Variants in CLINT1 observed in about 807,000 individuals in gnomAD.
CLINT1 encodes clathrin interacting protein localized in the trans-Golgi region.
CLINT1 carries 15 observed loss-of-function variants against 70.4 expected under a neutral mutation model. The ratio of observed to expected loss-of-function variants is 0.21; its 90% CI spans 0.14 to 0.33. The LOEUF is 0.33. CLINT1 is among the 10% of genes least tolerant of loss of function. The probability of loss-of-function intolerance (pLI) is 1.00; values close to 1 mark genes in which losing one functional copy is unlikely to be tolerated. For synonymous variants in CLINT1, 227 were observed against 254.7 expected (o/e 0.89, Z 1.04); for missense variants, 615 against 778.1 (o/e 0.79, Z 2.49).
intron 7 of CLINT1, among the ~76,000 whole-genome samples, chr5:157,805,571 G>A (rs1018547940): frequency 4.6e-5 from 7 of 151,990 alleles, no homozygotes; most frequent in Non-Finnish European, 8.8e-5. Context: ...CTTGTGGTTG[G>A]TAACCAGTAT....
chr5:157,805,970 T>A lies in CLINT1; in HGVS notation c.838A>T (p.Asn280Tyr). 6.2e-7 allele frequency: 1 copy of A among 1,613,968 alleles called. No individual in the cohort carries two copies. ...TTTTRHKRTA[N>Y]PSKTIDLGAA... is the part of the protein sequence containing the mutation. ...CCAAGATCAATGGTTTTGGAAGGAT[T>A]TGCTGTGCGCTTGTGTCTGGTTGTG... Residue 280 changes from asparagine (N) to tyrosine (Y), a missense_variant, in exon 7 of 12, where the codon AAT becomes TAT. Asn to Tyr is a moderately radical substitution (Grantham distance 143). Transcript: ENST00000411809.
Position 157,805,888 on chromosome 5 carries a change from T to A in CLINT1, c.920A>T (p.His307Leu). ...KASPDQNAST[H>L]TPQSSVKTSV... is the part of the protein sequence containing the mutation. ...CACCTTAACTGAAGACTGAGGTGTGTGGGTTGAAGCATTCTGATCTGGACT... is the reference window on the plus strand; with the variant it reads ...CACCTTAACTGAAGACTGAGGTGTGAGGGTTGAAGCATTCTGATCTGGACT... The change falls in exon 7 of 12, where the codon CAC (histidine) becomes CTC (leucine). Residue 307 changes from histidine to leucine, a missense_variant. Physicochemically the swap from His to Leu is moderately conservative, Grantham distance 99. Transcript: ENST00000411809. The A allele has an allele frequency of 6.2e-7, 1 of 1,614,002 alleles. No individual in the cohort carries two copies. The highest frequency in any genetic ancestry group is 1.1e-5 in the South Asian group (1 of 91,086).
intron 6 of CLINT1, 36 bp from the exon 7 acceptor site, chr5:157,806,148 C>A: frequency 6.3e-7 from 1 of 1,599,466 alleles, no homozygotes; most frequent in Non-Finnish European, 8.5e-7. Flanking sequence ...AATAATAAGA[C>A]GGGATTATTT....
At chr5:157,810,165 C>T (rs547921337) in intron 5 of CLINT1, among the ~76,000 whole-genome samples, 1 of 152,300 alleles carries the variant, frequency 6.6e-6, no homozygotes, top group Non-Finnish European at 1.5e-5. Flanking sequence ...ACAAAAGACA[C>T]TTAATATGTT....
Position 157,791,840 on chromosome 5 carries a change from G to T in CLINT1, c.1243C>A (p.Pro415Thr). Residue 415 changes from proline (P) to threonine (T), a missense_variant, in exon 10 of 12, where the codon CCT becomes ACT. Transcript: ENST00000411809. ...SGSQSALGPP[P>T]AASNSSDLFD... ...AGGTCTGAAGAATTTGAGGCAGCAG[G>T]AGGTGGGCCTAGAGCTGATTGTGAG... is the stretch of plus-strand genomic sequence containing the variant. 2 of 1,613,996 alleles carry T rather than the reference G, an allele frequency of 1.2e-6. No homozygotes were observed. Among genetic ancestry groups the T allele is most frequent in the Non-Finnish European group, 1.7e-6 (2 of 1,179,886 alleles).
chr5:157,838,023 C>T (rs772475344), intron 1 of CLINT1, among the ~76,000 whole-genome samples: 4 of 151,880 alleles, frequency 2.6e-5, no homozygotes, highest in Non-Finnish European at 4.4e-5. Context: ...CTTAAAATTA[C>T]GTAATTTTTC....
chr5:157,788,033 A>G, intron 11 of CLINT1, 41 bp from the exon 12 acceptor site: 1 of 1,476,788 alleles, frequency 6.8e-7, no homozygotes, highest in Non-Finnish European at 9.3e-7. Context: ...ACCACAATAA[A>G]TTTTTAGGTT....
chr5:157,815,817 T>C (rs760814480), intron 3 of CLINT1, among the ~76,000 whole-genome samples: 1 of 152,236 alleles, frequency 6.6e-6, no homozygotes, highest in Non-Finnish European at 1.5e-5. Flanking sequence ...TAATGACTAC[T>C]ATAGGCAGCT....
chr5:157,852,393 T>A (rs770278074), intron 1 of CLINT1, among the ~76,000 whole-genome samples: 1 of 152,140 alleles, frequency 6.6e-6, no homozygotes, highest in Non-Finnish European at 1.5e-5. Context: ...CTAAACTGAG[T>A]CTTAAGAGAG....
intron 1 of CLINT1, among the ~76,000 whole-genome samples, chr5:157,840,569 AGT>A (rs533115967): frequency 2.1e-3 from 292 of 137,270 alleles, no homozygotes; most frequent in Non-Finnish European, 3.2e-3. Context: ...GAGGGAAGTA[AGT>A]GTGTGTGTGT....
rs142984940 is a variant in CLINT1, at chr5:157,797,872, T to C, written c.1013-2900A>G. On this transcript the variant is annotated intron_variant, in intron 8 of 11. Coordinates refer to ENST00000411809, the MANE Select transcript of CLINT1 (RefSeq NM_014666.4). Reference sequence around the variant, plus strand: ...GAAATTATATGATGTTCATAACTTATCTATAGCAAATAGTATTCCTCTCCA... The same window carrying C: ...GAAATTATATGATGTTCATAACTTACCTATAGCAAATAGTATTCCTCTCCA... Among the ~76,000 whole-genome samples, 244 of 152,354 alleles carry C rather than the reference T, an allele frequency of 1.6e-3. 2 individuals are homozygous for C. Among genetic ancestry groups the C allele is most frequent in the African/African-American group, 5.5e-3 (227 of 41,592 alleles).
chr5:157,823,839 A>C, intron 1 of CLINT1: 4 of 231,590 alleles, frequency 1.7e-5, no homozygotes, highest in Middle Eastern at 2.2e-3. Context: ...AGCAGTGGCG[A>C]GCGAGCGTCA....
chr5:157,855,192 A>G (rs1753719105), intron 1 of CLINT1, among the ~76,000 whole-genome samples: 2 of 136,504 alleles, frequency 1.5e-5, no homozygotes, highest in South Asian at 2.5e-4. Context: ...AAAGAGATTT[A>G]CCACTAATAT....
chr5:157,802,221 A>G (rs1762246483), intron 8 of CLINT1, among the ~76,000 whole-genome samples: 1 of 151,934 alleles, frequency 6.6e-6, no homozygotes, highest in Admixed American at 6.6e-5. Context: ...AAATCATTAC[A>G]CACAACTGGG....
intron 1 of CLINT1, among the ~76,000 whole-genome samples, chr5:157,841,867 C>T (rs1234531685): frequency 6.6e-6 from 1 of 152,108 alleles, no homozygotes; most frequent in Non-Finnish European, 1.5e-5. Flanking sequence ...CTGGGCTCAA[C>T]AAATCCTCCC....
chr5:157,803,458 G>C (rs1460640334), intron 8 of CLINT1, among the ~76,000 whole-genome samples, 192 bp downstream of exon 8: 2 of 152,176 alleles, frequency 1.3e-5, no homozygotes, highest in Non-Finnish European at 2.9e-5. Context: ...AATAGGGATA[G>C]AGAAATGGGT....
At position 157,841,766 on chromosome 5, in the gene CLINT1, G is replaced by A. The variant is rs765085337; in HGVS notation, c.41+17164C>T. On this transcript the variant is annotated intron_variant, in intron 1 of 11. Transcript: ENST00000411809. Reference sequence around the variant, plus strand: ...CTCCTGAGTAGCTGGGACTATAGGCGTGCATCATCACATAATCTGTGAGCC... The same window carrying A: ...CTCCTGAGTAGCTGGGACTATAGGCATGCATCATCACATAATCTGTGAGCC... 7.2e-5 allele frequency among the ~76,000 whole-genome samples: 11 copies of A among 152,134 alleles called. No homozygotes were observed. The South Asian group carries it at 1.7e-3, about 23-fold the overall frequency.
intron 1 of CLINT1, among the ~76,000 whole-genome samples, chr5:157,818,057 C>G (rs1762774135): frequency 6.6e-6 from 1 of 152,170 alleles, no homozygotes; most frequent in African/African-American, 2.4e-5. Context: ...AAACACTGAA[C>G]TGTGATCCTT....
chr5:157,829,906 T>A (rs925474979), intron 1 of CLINT1, among the ~76,000 whole-genome samples: 8 of 152,040 alleles, frequency 5.3e-5, no homozygotes, highest in African/African-American at 1.7e-4. Context: ...CTTGTTAGTA[T>A]CCCAAGAAAC....
Sources: gnomAD v4.1 joint callset for allele counts (sites outside exome capture counted in the v4.1 genomes callset) on GRCh38, gnomAD v4.1.1 for gene constraint, MANE v1.5 for transcripts, NCBI Gene and HGNC (gene_info 2026-07-23, HGNC 2026-07-21) for gene names.